UIMC1: variants seen among roughly 807,000 people sequenced by gnomAD.
The protein encoded by UIMC1 is ubiquitin interaction motif containing 1.
A neutral mutation model predicts 84.9 loss-of-function variants in UIMC1; 42 were observed. The ratio of observed to expected loss-of-function variants is 0.49; its 90% CI spans 0.39 to 0.64. The LOEUF (loss-of-function observed/expected upper bound fraction) is 0.64, where lower values mean the gene tolerates loss of function less well. UIMC1 is among the 30% of genes least tolerant of loss of function. The pLI, the probability that UIMC1 is intolerant of heterozygous loss-of-function variation, is 0.00. For synonymous variants in UIMC1, 281 were observed against 293.0 expected (o/e 0.96, Z 0.42); for missense variants, 825 against 847.6 (o/e 0.97, Z 0.33).
intron 10 of UIMC1, among the ~76,000 whole-genome samples, chr5:176,935,260 G>T (rs1002117418): frequency 6.6e-6 from 1 of 152,060 alleles, no homozygotes; most frequent in African/African-American, 2.4e-5. Flanking sequence ...TGAATTGCTT[G>T]TTCTTTCCTA....
chr5:176,975,605 T>C (rs1561861879), intron 2 of UIMC1, 125 bp from the exon 3 acceptor site: 1 of 827,964 alleles, frequency 1.2e-6, no homozygotes, highest in East Asian at 2.5e-5. Flanking sequence ...AATATGCACA[T>C]AAAACATTAG....
In UIMC1 at chr5:176,911,406, T is replaced by A. The variant is rs150745088; in HGVS notation, c.1598-17A>T. The A allele has an allele frequency of 2.1e-3, 3,082 of 1,448,830 alleles. 14 individuals are homozygous for A. The highest frequency in any genetic ancestry group is 0.01 in the African/African-American group (691 of 69,022). 89.7% of individuals were successfully genotyped at this position (1,448,830 alleles called of 1,614,324 possible). A position where few individuals can be genotyped will look rare whatever the true frequency, so the allele number is the denominator to read the frequency against. On this transcript the variant is annotated splice_polypyrimidine_tract_variant and intron_variant, in intron 10 of 14. Transcript: ENST00000511320. ...GAGTCAATACTTTTAATATAAAAAA[T>A]ATATATATATACACATAGTTAGCTG...
At chr5:176,911,132 AAAG>A (rs1760119090) in intron 11 of UIMC1, among the ~76,000 whole-genome samples, 176 bp downstream of exon 11, 3 of 108,248 alleles carry the variant, frequency 2.8e-5, no homozygotes, top group African/African-American at 4.8e-5. Context: ...AAAGAAAAGA[AAAG>A]AAAAGAAAAG....
chr5:176,939,299 T>G (rs1443033500), intron 10 of UIMC1, among the ~76,000 whole-genome samples: 1 of 144,992 alleles, frequency 6.9e-6, no homozygotes, highest in Non-Finnish European at 1.5e-5. Flanking sequence ...CTCCAAAATA[T>G]CTGGATGAAT....
At chr5:176,967,739 C>T (rs576970946) in intron 6 of UIMC1, among the ~76,000 whole-genome samples, 1 of 151,710 alleles carries the variant, frequency 6.6e-6, no homozygotes, top group Non-Finnish European at 1.5e-5. Context: ...TCAATCTCTA[C>T]AAAAAATATA....
intron 1 of UIMC1, among the ~76,000 whole-genome samples, chr5:176,991,165 GCCCGGC>G (rs1561900918): frequency 2.6e-5 from 4 of 151,400 alleles, no homozygotes; most frequent in Non-Finnish European, 1.5e-5. Flanking sequence ...CCGCCACCAC[GCCCGGC>G]TAATTTTTTT....
intron 10 of UIMC1, among the ~76,000 whole-genome samples, chr5:176,942,606 C>T (rs556084230): frequency 9.4e-4 from 142 of 151,836 alleles, no homozygotes; most frequent in Non-Finnish European, 1.4e-3. Context: ...ATTAGCTGGG[C>T]ATGGTGGCAG....
chr5:176,940,600 A>C (rs1462905431), intron 10 of UIMC1, among the ~76,000 whole-genome samples: 1 of 152,156 alleles, frequency 6.6e-6, no homozygotes, highest in Non-Finnish European at 1.5e-5. Flanking sequence ...ATCAGACTAA[A>C]GAGCTTTGTC....
chr5:176,978,976 A>G (rs1770576689), intron 2 of UIMC1, among the ~76,000 whole-genome samples: 1 of 152,208 alleles, frequency 6.6e-6, no homozygotes, highest in Non-Finnish European at 1.5e-5. Flanking sequence ...ACAAGCAAAA[A>G]AAGGTGTAAG....
At chr5:176,910,005 T>G (rs150431580) in intron 11 of UIMC1, among the ~76,000 whole-genome samples, 8 of 152,346 alleles carry the variant, frequency 5.3e-5, no homozygotes, top group Admixed American at 1.3e-4. Flanking sequence ...CACATAATAT[T>G]AGGCACTAAA....
intron 1 of UIMC1, among the ~76,000 whole-genome samples, chr5:176,994,976 C>A (rs995928962): frequency 4.0e-5 from 6 of 151,856 alleles, no homozygotes; most frequent in Admixed American, 2.0e-4. Flanking sequence ...GGGCAGTGTG[C>A]TGGGAGAGTA....
At chr5:176,939,265 A>G (rs1451426710) in intron 10 of UIMC1, among the ~76,000 whole-genome samples, 2 of 151,572 alleles carry the variant, frequency 1.3e-5, no homozygotes, top group Non-Finnish European at 2.9e-5. Flanking sequence ...TCAAAAAAAA[A>G]AAAAAAAGAA....
chr5:176,910,854 G>C (rs1246988316), intron 11 of UIMC1, among the ~76,000 whole-genome samples: 2 of 152,158 alleles, frequency 1.3e-5, no homozygotes, highest in Non-Finnish European at 2.9e-5. Flanking sequence ...ACTTTGGGAG[G>C]CCGAGGCAGG....
At chr5:176,969,554 T>C (rs1407303085) in intron 5 of UIMC1, 47 bp downstream of exon 5, 1 of 1,572,508 alleles carries the variant, frequency 6.4e-7, no homozygotes, top group African/African-American at 1.4e-5. Flanking sequence ...ATCCCTGTGG[T>C]ACAGTTATAC....
rs200472444 is a variant in UIMC1, at chr5:176,978,021, C to CT, written c.148-2542dup. On this transcript the variant is annotated intron_variant, in intron 2 of 14. Coordinates refer to ENST00000511320, the MANE Select transcript of UIMC1 (RefSeq NM_001199298.2). ...TTCTATTCTAAAGCAGAAAAAAAGA[C>CT]TTTTTTTCATATACAAAAATACCAA... Among the ~76,000 whole-genome samples, 1,441 of 152,152 alleles carry CT rather than the reference C, an allele frequency of 9.5e-3. 28 individuals are homozygous for CT. Among genetic ancestry groups the CT allele is most frequent in the African/African-American group, 0.033 (1,362 of 41,516 alleles).
intron 1 of UIMC1, among the ~76,000 whole-genome samples, chr5:176,989,327 A>C (rs899033913): frequency 2.0e-5 from 3 of 152,172 alleles, no homozygotes; most frequent in Non-Finnish European, 2.9e-5. Context: ...TCTGCATTTA[A>C]TGCATATTTT....
chr5:176,994,503 G>A lies in UIMC1; in HGVS notation c.-8-11880C>T, dbSNP rs577130065. 5.6e-4 allele frequency among the ~76,000 whole-genome samples: 62 copies of A among 110,958 alleles called. No individual in the cohort carries two copies. The East Asian group carries it at 0.017, about 30-fold the overall frequency. The allele number at this position is 110,958 out of a possible 152,430, so 72.8% of individuals were successfully genotyped here. ...GCATAACCACTTTGGAAAACTGGCA[G>A]TTTCTTTAAAAAAAAAAAAAAAAAA... On this transcript the variant is annotated intron_variant, in intron 1 of 14. Transcript: ENST00000511320.
chr5:177,009,509 T>C (rs1775498077), upstream of UIMC1, among the ~76,000 whole-genome samples: 1 of 152,224 alleles, frequency 6.6e-6, no homozygotes, highest in African/African-American at 2.4e-5. This position sits in a 1 kb window ranked among gnomAD's most constrained non-coding sequence, Gnocchi z 4.3. Context: ...TTATGAGTCA[T>C]GTTTTTCTGT....
At position 176,969,133 on chromosome 5, in the gene UIMC1, C is replaced by G. The variant is rs371276909; in HGVS notation, c.622G>C (p.Val208Leu). Residue 208 changes from valine (V) to leucine (L), a missense_variant, in exon 6 of 15, where the codon GTG (valine) becomes CTG (leucine). Val to Leu is a conservative substitution (Grantham distance 32). Coordinates refer to ENST00000511320, the MANE Select transcript of UIMC1 (RefSeq NM_001199298.2). ...GATTTAACGTTCACATTCTCAAACA[C>G]TGGCTGGCTTGACTGGTCCCAGCTT... ...SGSWDQSSQP[V>L]FENVNVKSFD... 10 of 1,614,250 alleles carry G rather than the reference C, an allele frequency of 6.2e-6. No individual in the cohort carries two copies. In the South Asian group the frequency reaches 1.1e-4, roughly 18 times the overall value.
Sources: allele counts gnomAD v4.1 joint callset (sites outside exome capture counted in the v4.1 genomes callset), GRCh38; gene constraint gnomAD v4.1.1; non-coding constraint Gnocchi (gnomAD v3.1); transcripts MANE v1.5; gene names NCBI Gene and HGNC (gene_info 2026-07-23, HGNC 2026-07-21).